CCBE1: variants seen among roughly 807,000 people sequenced by gnomAD.
CCBE1 encodes collagen and calcium binding EGF domains 1.
CCBE1 carries 37 observed loss-of-function variants against 50.0 expected under a neutral mutation model. The ratio of observed to expected loss-of-function variants is 0.74; its 90% CI spans 0.57 to 0.97. The LOEUF is 0.97. Ranked by LOEUF, CCBE1 falls within the 50% of genes least tolerant of loss-of-function variation. CCBE1 has a pLI of 0.00. For missense variants in CCBE1, 538 were observed against 523.8 expected (o/e 1.03, Z -0.26); for synonymous variants, 234 against 203.7 (o/e 1.15, Z -1.27).
intron 2 of CCBE1, among the ~76,000 whole-genome samples, chr18:59,495,485 T>C (rs1260681539): frequency 1.3e-5 from 2 of 151,686 alleles, no homozygotes; most frequent in African/African-American, 4.9e-5. Context: ...TTGGCATCCT[T>C]GACATCACTT....
In CCBE1 at chr18:59,678,418, C is replaced by G. The variant is rs150327312; in HGVS notation, c.212+18211G>C. Among the ~76,000 whole-genome samples the G allele has an allele frequency of 3.2e-3, 489 of 152,218 alleles. 2 individuals carry two copies. The highest frequency in any genetic ancestry group is 0.01 in the African/African-American group (416 of 41,532). Reference sequence around the variant, plus strand: ...TGCTGAGTAAATCATTGATTTGACTCTGAATAGGTAAAATGTTGAAAATGT... The same window carrying G: ...TGCTGAGTAAATCATTGATTTGACTGTGAATAGGTAAAATGTTGAAAATGT... On this transcript the variant is annotated intron_variant, in intron 2 of 10. Transcript: ENST00000439986.
At chr18:59,542,957 G>C (rs1389212448) in intron 2 of CCBE1, among the ~76,000 whole-genome samples, 2 of 152,068 alleles carry the variant, frequency 1.3e-5, no homozygotes, top group Non-Finnish European at 2.9e-5. Context: ...CCAAGATCTC[G>C]CCAAACCCAG....
chr18:59,666,683 G>A (rs770369575), intron 2 of CCBE1, among the ~76,000 whole-genome samples: 11 of 152,122 alleles, frequency 7.2e-5, no homozygotes, highest in Admixed American at 4.6e-4. Context: ...AAGTTACAAG[G>A]AGACTGGGCG....
intron 2 of CCBE1, among the ~76,000 whole-genome samples, chr18:59,484,543 G>A (rs1385249371): frequency 2.0e-5 from 3 of 152,230 alleles, no homozygotes; most frequent in Non-Finnish European, 4.4e-5. Flanking sequence ...CCACGCAGTG[G>A]AGTAAGAAGC....
At chr18:59,685,665 G>C in intron 2 of CCBE1, among the ~76,000 whole-genome samples, 1 of 152,234 alleles carries the variant, frequency 6.6e-6, no homozygotes, top group East Asian at 1.9e-4. Flanking sequence ...AAGGTGGCAA[G>C]CCAAGGTATG....
chr18:59,682,852 A>T (rs2054609340), intron 2 of CCBE1, among the ~76,000 whole-genome samples: 1 of 152,264 alleles, frequency 6.6e-6, no homozygotes, highest in African/African-American at 2.4e-5. Flanking sequence ...CAGAGTAAAT[A>T]TTGCCATGAT....
Position 59,491,805 on chromosome 18 carries a change from A to G in CCBE1, c.213-11567T>C, listed in dbSNP as rs555716975. Among the ~76,000 whole-genome samples the G allele has an allele frequency of 3.3e-5, 5 of 151,814 alleles. No individual in the cohort carries two copies. The East Asian group carries it at 9.7e-4, about 29-fold the overall frequency. ...ACTCCAACCTGAACAGCAGCGTGAGACTCTGTCTCCAAACAAACAAACAAA... is the reference window on the plus strand; with the variant it reads ...ACTCCAACCTGAACAGCAGCGTGAGGCTCTGTCTCCAAACAAACAAACAAA... On this transcript the variant is annotated intron_variant, in intron 2 of 10. Coordinates refer to ENST00000439986, the MANE Select transcript of CCBE1 (RefSeq NM_133459.4).
chr18:59,546,556 C>G (rs1173967831), intron 2 of CCBE1, among the ~76,000 whole-genome samples: 1 of 152,232 alleles, frequency 6.6e-6, no homozygotes, highest in Non-Finnish European at 1.5e-5. Flanking sequence ...GCTGAACAAC[C>G]ATTTGAACAA....
rs542793547 is a variant in CCBE1, at chr18:59,569,775, C to T, written c.213-89537G>A. Among the ~76,000 whole-genome samples, 14 of 152,276 alleles carry T rather than the reference C, an allele frequency of 9.2e-5. No homozygotes were observed. In the South Asian group the frequency reaches 2.7e-3, roughly 29 times the overall value. On this transcript the variant is annotated intron_variant, in intron 2 of 10. Coordinates refer to ENST00000439986, the MANE Select transcript of CCBE1 (RefSeq NM_133459.4). ...TCAGTCTCCTAAGTAGCTGAGATTA[C>T]AGGTGCTCAACACCATGCCTAGCTA...
intron 2 of CCBE1, among the ~76,000 whole-genome samples, chr18:59,695,425 A>T (rs2054792266): frequency 6.6e-6 from 1 of 152,096 alleles, no homozygotes; most frequent in African/African-American, 2.4e-5. Flanking sequence ...TTTGTTCAGC[A>T]TTCACCCCCC....
At chr18:59,574,526 T>G (rs2144493987) in intron 2 of CCBE1, among the ~76,000 whole-genome samples, 1 of 152,336 alleles carries the variant, frequency 6.6e-6, no homozygotes, top group Admixed American at 6.5e-5. Context: ...TTTCACAAAC[T>G]TCCTCCCAAA....
At chr18:59,485,782 C>T (rs1428946622) in intron 2 of CCBE1, among the ~76,000 whole-genome samples, 2 of 151,690 alleles carry the variant, frequency 1.3e-5, no homozygotes, top group Non-Finnish European at 2.9e-5. Context: ...AGCTTATTTT[C>T]GGTAGACAGG....
chr18:59,573,284 A>AATATATACATATATATATATATAT (rs2052943334), intron 2 of CCBE1, among the ~76,000 whole-genome samples: 2 of 93,726 alleles, frequency 2.1e-5, no homozygotes. Flanking sequence ...GACTCCGTCT[A>AATATATACATATATATATATATAT]ATATATATAT....
chr18:59,485,992 T>C (rs556720663), intron 2 of CCBE1, among the ~76,000 whole-genome samples: 12 of 152,096 alleles, frequency 7.9e-5, no homozygotes, highest in Non-Finnish European at 1.0e-4. Context: ...AAATGGAGCA[T>C]TGGCTTTGGG....
intron 2 of CCBE1, among the ~76,000 whole-genome samples, chr18:59,648,207 C>G (rs17780907): frequency 0.32 from 49,096 of 152,118 alleles, 8,223 homozygotes; most frequent in East Asian, 0.55. Flanking sequence ...TGTGAGGCAG[C>G]TGGAGCATAA....
intron 2 of CCBE1, among the ~76,000 whole-genome samples, chr18:59,628,517 T>C (rs916538793): frequency 6.6e-6 from 1 of 152,190 alleles, no homozygotes; most frequent in Non-Finnish European, 1.5e-5. Flanking sequence ...GTCCAATTCA[T>C]GCTCCAGACC....
intron 2 of CCBE1, among the ~76,000 whole-genome samples, chr18:59,646,972 C>A (rs1458590942): frequency 6.6e-6 from 1 of 152,212 alleles, no homozygotes; most frequent in Non-Finnish European, 1.5e-5. Context: ...CTCAGTAAAA[C>A]CATGCAACAG....
chr18:59,670,564 C>A (rs2054417783), intron 2 of CCBE1, among the ~76,000 whole-genome samples: 1 of 152,194 alleles, frequency 6.6e-6, no homozygotes, highest in East Asian at 1.9e-4. Flanking sequence ...CATGTAACCA[C>A]CTCCATATGA....
intron 2 of CCBE1, among the ~76,000 whole-genome samples, chr18:59,554,665 CA>C (rs1478909543): frequency 6.6e-6 from 1 of 152,166 alleles, no homozygotes; most frequent in Non-Finnish European, 1.5e-5. Flanking sequence ...CTTAAGGACT[CA>C]AAAGGCAGAT....
Sources: gnomAD v4.1 joint callset for allele counts (sites outside exome capture counted in the v4.1 genomes callset) on GRCh38, gnomAD v4.1.1 for gene constraint, MANE v1.5 for transcripts, NCBI Gene and HGNC (gene_info 2026-07-23, HGNC 2026-07-21) for gene names.